The following TOP6BL variants were observed in gnomAD, a reference collection of about 807,000 sequenced individuals.
TOP6BL encodes the protein type 2 DNA topoisomerase 6 subunit B-like.
the TOP6BL span, among the ~76,000 whole-genome samples, chr11:66,797,759 A>G: frequency 2.0e-5 from 3 of 151,888 alleles, no homozygotes; most frequent in Non-Finnish European, 4.4e-5. Flanking sequence ...CCTGTCTCAG[A>G]CTCTCAAAAT....
the TOP6BL span, chr11:66,813,725 T>TC: frequency 1.4e-6 from 1 of 712,312 alleles, no homozygotes; most frequent in South Asian, 2.1e-5. Flanking sequence ...AGAGCGAGAC[T>TC]CCATCTCAAA....
the TOP6BL span, among the ~76,000 whole-genome samples, chr11:66,779,328 C>T: frequency 6.6e-6 from 1 of 152,032 alleles, no homozygotes; most frequent in Admixed American, 6.6e-5. Flanking sequence ...AAAAAAACAA[C>T]CCCATCAAAA....
chr11:66,757,775 A>T, the TOP6BL span, among the ~76,000 whole-genome samples: 1 of 152,030 alleles, frequency 6.6e-6, no homozygotes, highest in African/African-American at 2.4e-5. Context: ...TTTAGTAGAG[A>T]TGGGATTTCA....
chr11:66,800,811 T>G, the TOP6BL span: 10 of 1,029,738 alleles, frequency 9.7e-6, no homozygotes, highest in Non-Finnish European at 1.3e-5. Flanking sequence ...AAAGTCACCT[T>G]GAAACTAATT....
At chr11:66,756,494 G>A in the TOP6BL span, 1 of 1,062,730 alleles carries the variant, frequency 9.4e-7, no homozygotes, top group South Asian at 2.4e-5. Flanking sequence ...CACCATGCCT[G>A]GCTAATTATG....
chr11:66,806,902 T>A, the TOP6BL span, among the ~76,000 whole-genome samples: 1 of 152,236 alleles, frequency 6.6e-6, no homozygotes, highest in Admixed American at 6.5e-5. Flanking sequence ...CTTGGACATT[T>A]TCTATTTTAA....
chr11:66,828,574 G>A, the TOP6BL span: 2,705 of 501,906 alleles, frequency 5.4e-3, 60 homozygotes, highest in African/African-American at 0.048. Context: ...CTTGAAAACC[G>A]TTGTTTCATG....
the TOP6BL span, among the ~76,000 whole-genome samples, chr11:66,798,819 A>C: frequency 6.6e-6 from 1 of 152,108 alleles, no homozygotes; most frequent in Non-Finnish European, 1.5e-5. Context: ...TCACGCTTGT[A>C]TCCTAGCACT....
At chr11:66,800,189 T>A in the TOP6BL span, among the ~76,000 whole-genome samples, 1 of 151,964 alleles carries the variant, frequency 6.6e-6, no homozygotes, top group Non-Finnish European at 1.5e-5. Flanking sequence ...AAAGTCAAAC[T>A]CATAGTAGAG....
At chr11:66,829,908 T>A in the TOP6BL span, among the ~76,000 whole-genome samples, 25 of 151,926 alleles carry the variant, frequency 1.6e-4, no homozygotes, top group African/African-American at 5.8e-4. Flanking sequence ...AATAAATAAA[T>A]AATAAATAAA....
At chr11:66,750,440 G>A in the TOP6BL span, among the ~76,000 whole-genome samples, 4 of 151,948 alleles carry the variant, frequency 2.6e-5, no homozygotes, top group African/African-American at 9.7e-5. Context: ...CCAGCTACTC[G>A]GGAGGCTGAG....
the TOP6BL span, among the ~76,000 whole-genome samples, chr11:66,812,246 G>A: frequency 3.4e-5 from 5 of 144,970 alleles, no homozygotes; most frequent in African/African-American, 1.3e-4. Context: ...GCGCAATCTC[G>A]GCTCACTGTA....
the TOP6BL span, among the ~76,000 whole-genome samples, chr11:66,829,111 C>T: frequency 6.7e-6 from 1 of 148,564 alleles, no homozygotes; most frequent in Non-Finnish European, 1.5e-5. Flanking sequence ...TGAGGCCGGG[C>T]ATAGTGGCTC....
the TOP6BL span, among the ~76,000 whole-genome samples, chr11:66,831,231 A>G: frequency 6.6e-6 from 1 of 152,238 alleles, no homozygotes; most frequent in Non-Finnish European, 1.5e-5. Context: ...TACCTATCAT[A>G]TGACCTAGCT....
At chr11:66,768,200 A>G in the TOP6BL span, among the ~76,000 whole-genome samples, 4 of 152,096 alleles carry the variant, frequency 2.6e-5, no homozygotes, top group South Asian at 8.3e-4. Context: ...GACTTGCTCA[A>G]CATTGAGTAA....
chr11:66,749,681 C>T, the TOP6BL span, among the ~76,000 whole-genome samples: 1 of 152,070 alleles, frequency 6.6e-6, no homozygotes, highest in Non-Finnish European at 1.5e-5. Flanking sequence ...TCTGCCTCAG[C>T]CTCCTGAGTA....
chr11:66,843,250 G>C, the TOP6BL span: 42 of 1,606,556 alleles, frequency 2.6e-5, no homozygotes, highest in Non-Finnish European at 3.1e-5. Flanking sequence ...GTCCCCTTCC[G>C]CAAGCGCCCA....
At chr11:66,843,056 G>A in the TOP6BL span, 1 of 1,566,874 alleles carries the variant, frequency 6.4e-7, no homozygotes, top group Non-Finnish European at 8.6e-7. Flanking sequence ...GCGAGCCTCG[G>A]AAGCCGCCTG....
chr11:66,747,872 G>C, the TOP6BL span, among the ~76,000 whole-genome samples: 3 of 151,924 alleles, frequency 2.0e-5, no homozygotes, highest in Non-Finnish European at 4.4e-5. Context: ...CTCTCACCTC[G>C]GCCTCCCAAA....
Sources: gnomAD v4.1 joint callset for allele counts (sites outside exome capture counted in the v4.1 genomes callset) on GRCh38, gnomAD v4.1.1 for gene constraint, MANE v1.5 for transcripts, NCBI Gene and HGNC (gene_info 2026-07-23, HGNC 2026-07-21) for gene names.